The following ANK3 variants were observed in gnomAD, a reference collection of about 807,000 sequenced individuals.
The protein encoded by ANK3 is ankyrin-3.
A neutral mutation model predicts 370.9 loss-of-function variants in ANK3; 57 were observed. The observed-to-expected ratio is 0.15, with a 90% CI of 0.12 to 0.19. The LOEUF (loss-of-function observed/expected upper bound fraction) is 0.19. Ranked by LOEUF, ANK3 falls within the 10% of genes least tolerant of loss-of-function variation. ANK3 has a pLI of 1.00. For synonymous variants in ANK3, 1,929 were observed against 1,946.3 expected, an observed-to-expected ratio of 0.99 and a Z score of 0.23; for missense variants, 4,439 against 5,302.1, an observed-to-expected ratio of 0.84 and a Z score of 5.06.
At chr10:60,570,865 G>A (rs901837128) in intron 2 of ANK3, among the ~76,000 whole-genome samples, 16 of 152,068 alleles carry the variant, frequency 1.1e-4, no homozygotes, top group African/African-American at 2.9e-4. Flanking sequence ...AAAAAAGCCC[G>A]TGTTAAAGGA....
intron 1 of ANK3, among the ~76,000 whole-genome samples, chr10:60,345,198 C>T (rs1325173469): frequency 6.7e-6 from 1 of 149,930 alleles, no homozygotes; most frequent in Non-Finnish European, 1.5e-5. Context: ...CAAAAAACTG[C>T]ATTAACATTT....
At chr10:60,692,383 G>T (rs1181218061) in intron 1 of ANK3, among the ~76,000 whole-genome samples, 1 of 152,172 alleles carries the variant, frequency 6.6e-6, no homozygotes, top group African/African-American at 2.4e-5. Flanking sequence ...TCAAACTGGG[G>T]CTACTAGGTG....
chr10:60,075,487 A>C lies in ANK3; in HGVS notation c.5394T>G (p.Ser1798Arg), dbSNP rs772058136. 5 of 1,613,154 alleles carry C rather than the reference A, an allele frequency of 3.1e-6. No homozygotes were observed. The South Asian group carries it at 5.5e-5, about 18-fold the overall frequency. ...AFQSLRTPSA[S>R]ALYTSLGSSI... The stretch of plus-strand genomic sequence containing the variant: ...ACGACCCAAGGGATGTATAGAGTGC[A>C]CTTGCGGAAGGAGTTCTTAGAGACT... The change falls in exon 37 of 44, where the codon AGT becomes AGG. Residue 1798 changes from serine to arginine, a missense_variant. By Grantham distance (110) the Ser-to-Arg change is moderately radical. Transcript: ENST00000280772.
chr10:60,034,697 T>C (rs892551966), intron 43 of ANK3, among the ~76,000 whole-genome samples: 2 of 152,176 alleles, frequency 1.3e-5, no homozygotes, highest in African/African-American at 4.8e-5. Context: ...CTTTAAGACT[T>C]AGCTGTGTCA....
rs181118052 is a variant in ANK3 at position 60,630,774 on chromosome 10, G to A, written c.58-15550C>T. ...AGTGGGGGTAAAGAGCATAGAACAC[G>A]GACAGGATAATGTGGTATGAAAACC... On this transcript the variant is annotated intron_variant, in intron 1 of 43. Coordinates refer to the ANK3 transcript ENST00000373827. Among the ~76,000 whole-genome samples, 11 of 152,238 alleles carry A rather than the reference G, an allele frequency of 7.2e-5. No homozygotes were observed. The East Asian group carries it at 7.7e-4, about 11-fold the overall frequency.
intron 2 of ANK3, among the ~76,000 whole-genome samples, chr10:60,479,256 A>G (rs1433460647): frequency 6.6e-6 from 1 of 152,192 alleles, no homozygotes; most frequent in Non-Finnish European, 1.5e-5. Context: ...TTATAAAACC[A>G]CATTTTTATA....
chr10:60,552,644 C>T (rs181075795), intron 2 of ANK3, among the ~76,000 whole-genome samples: 3 of 152,146 alleles, frequency 2.0e-5, no homozygotes, highest in African/African-American at 7.2e-5. Flanking sequence ...TGGAAATTTG[C>T]TGTATGTAGT....
chr10:60,282,402 G>C (rs12780624), intron 1 of ANK3, among the ~76,000 whole-genome samples: 2 of 151,826 alleles, frequency 1.3e-5, no homozygotes, highest in African/African-American at 4.8e-5. Context: ...AAACAAAATC[G>C]GTATAAAACA....
At chr10:60,463,055 C>T (rs187590638) in intron 2 of ANK3, among the ~76,000 whole-genome samples, 83 of 152,152 alleles carry the variant, frequency 5.5e-4, no homozygotes, top group African/African-American at 1.8e-3. Context: ...AGGCTTGTGC[C>T]ACCATGTTCA....
intron 2 of ANK3, among the ~76,000 whole-genome samples, chr10:60,404,807 A>G (rs2063420475): frequency 6.6e-6 from 1 of 152,200 alleles, no homozygotes; most frequent in Non-Finnish European, 1.5e-5. Flanking sequence ...AATATTTTCA[A>G]GAATATATCC....
chr10:60,070,155 G>C lies in ANK3; in HGVS notation c.10726C>G (p.Pro3576Ala). 6.2e-7 allele frequency: 1 copy of C among 1,614,098 alleles called. No individual in the cohort carries two copies. The highest frequency in any genetic ancestry group is 8.5e-7 in the Non-Finnish European group (1 of 1,180,010). ...PFGLAVEDRS[P>A]ATTPDTTPAR... is the part of the protein sequence containing the mutation. ...GGCGTTGTATCAGGGGTTGTTGCTG[G>C]AGAGCGGTCTTCTACCGCCAGCCCA... Residue 3576 changes from proline (P) to alanine (A), a missense_variant, in exon 37 of 44, where the codon CCA (proline) becomes GCA (alanine). Physicochemically the swap from Pro to Ala is conservative, Grantham distance 27. This residue lies in a region of ANK3 where 1,601 missense variants were observed against 1,731.7 expected (regional missense o/e 0.92). Transcript: ENST00000280772. This position sits in a 1 kb window ranked among gnomAD's most constrained non-coding sequence, Gnocchi z 5.7.
chr10:60,228,036 A>T (rs1304725615), intron 8 of ANK3, among the ~76,000 whole-genome samples: 1 of 152,212 alleles, frequency 6.6e-6, no homozygotes, highest in Non-Finnish European at 1.5e-5. Flanking sequence ...TCCCAGCAGA[A>T]GGCTTAGTCC....
intron 2 of ANK3, among the ~76,000 whole-genome samples, chr10:60,397,634 G>A (rs1448725155): frequency 1.3e-5 from 2 of 152,120 alleles, no homozygotes; most frequent in African/African-American, 2.4e-5. Context: ...CTTGAACTTG[G>A]CAAGTGTTAG....
At chr10:60,320,269 C>T (rs956354482) in intron 1 of ANK3, among the ~76,000 whole-genome samples, 12 of 152,314 alleles carry the variant, frequency 7.9e-5, no homozygotes, top group South Asian at 4.1e-4. Flanking sequence ...AGGGAGCTCA[C>T]GGCTCCAGCT....
At chr10:60,492,037 A>T (rs1459555507) in intron 2 of ANK3, among the ~76,000 whole-genome samples, 1 of 152,182 alleles carries the variant, frequency 6.6e-6, no homozygotes, top group Non-Finnish European at 1.5e-5. Flanking sequence ...AAGATTTTCC[A>T]TTGCACTAAT....
At chr10:60,106,109 G>A in intron 27 of ANK3, 50 bp from the exon 28 acceptor site, 2 of 1,467,554 alleles carry the variant, frequency 1.4e-6, no homozygotes, top group Middle Eastern at 1.9e-4. Flanking sequence ...TATATTTATA[G>A]TATCATACTT....
intron 5 of ANK3, among the ~76,000 whole-genome samples, chr10:60,268,687 T>C (rs1482062045): frequency 6.6e-6 from 1 of 152,002 alleles, no homozygotes; most frequent in African/African-American, 2.4e-5. Flanking sequence ...GTGCAGCTGC[T>C]AAGTAAAAAG....
chr10:60,295,811 G>A (rs1426376150), intron 1 of ANK3, among the ~76,000 whole-genome samples: 1 of 152,062 alleles, frequency 6.6e-6, no homozygotes, highest in African/African-American at 2.4e-5. Context: ...CTTGTTACAT[G>A]CTAACTTAAA....
intron 1 of ANK3, among the ~76,000 whole-genome samples, chr10:60,660,674 T>C (rs1246963596): frequency 6.6e-6 from 1 of 152,116 alleles, no homozygotes; most frequent in African/African-American, 2.4e-5. Flanking sequence ...TATTAATAGT[T>C]CTCTGGGGTA....
Sources: allele counts gnomAD v4.1 joint callset (sites outside exome capture counted in the v4.1 genomes callset), GRCh38; gene constraint gnomAD v4.1.1; regional missense constraint gnomAD v4.1.1; non-coding constraint Gnocchi (gnomAD v3.1); transcripts MANE v1.5; gene names NCBI Gene and HGNC (gene_info 2026-07-23, HGNC 2026-07-21).